The following CADM2 variants were observed in gnomAD, a reference collection of about 807,000 sequenced individuals.
The protein encoded by CADM2 is cell adhesion molecule 2, also known as immunoglobulin superfamily member 4D.
CADM2 carries 12 observed loss-of-function variants against 49.8 expected under a neutral mutation model. The ratio of observed to expected loss-of-function variants is 0.24; its 90% confidence interval spans 0.15 to 0.39. The LOEUF (loss-of-function observed/expected upper bound fraction) is 0.39. CADM2 is among the 10% of genes least tolerant of loss of function. The probability of loss-of-function intolerance (pLI) is 1.00; values close to 1 mark genes in which losing one functional copy is unlikely to be tolerated. For missense variants in CADM2, 378 were observed against 492.3 expected, an observed-to-expected ratio of 0.77 and a Z score of 2.20; for synonymous variants, 214 against 175.4, an observed-to-expected ratio of 1.22 and a Z score of -1.74.
rs375694759 is a variant in CADM2, at chr3:86,047,810, G to A, written c.971-17795G>A. Among the ~76,000 whole-genome samples, 483 of 152,198 alleles carry A rather than the reference G, an allele frequency of 3.2e-3. 3 individuals carry two copies. The highest frequency in any genetic ancestry group is 0.011 in the African/African-American group (473 of 41,514). ...TTGAAGTGAAATACTCTCACATTTC[G>A]AGTCCCAAATCTGGGGTCTTAGACA... On this transcript the variant is annotated intron_variant, in intron 8 of 9. Coordinates refer to ENST00000383699, the MANE Select transcript of CADM2 (RefSeq NM_001167675.2).
At chr3:85,363,515 A>G (rs1297590883) in intron 1 of CADM2, among the ~76,000 whole-genome samples, 5 of 152,186 alleles carry the variant, frequency 3.3e-5, no homozygotes, top group Non-Finnish European at 5.9e-5. Context: ...TAAAAAAAAA[A>G]GGTTTAGTCT....
At chr3:85,610,037 T>G (rs2063636711) in intron 1 of CADM2, among the ~76,000 whole-genome samples, 1 of 152,062 alleles carries the variant, frequency 6.6e-6, no homozygotes, top group Non-Finnish European at 1.5e-5. Context: ...AAATCTGATT[T>G]AATTATTTCA....
At chr3:85,989,130 A>AT (rs1157186628) in intron 8 of CADM2, among the ~76,000 whole-genome samples, 1 of 152,158 alleles carries the variant, frequency 6.6e-6, no homozygotes, top group Non-Finnish European at 1.5e-5. Context: ...GTTACTCTGG[A>AT]TGTCAGCAGG....
intron 8 of CADM2, among the ~76,000 whole-genome samples, chr3:85,983,943 G>A (rs1200456529): frequency 3.3e-5 from 5 of 150,562 alleles, no homozygotes; most frequent in East Asian, 3.9e-4. Context: ...TGGAAATTGC[G>A]TAATTTTTTA....
intron 1 of CADM2, among the ~76,000 whole-genome samples, chr3:85,501,977 ATTC>A (rs35449728): frequency 0.058 from 8,886 of 152,186 alleles, 588 homozygotes; most frequent in African/African-American, 0.16. Context: ...GACTAATATA[ATTC>A]TTCTTCTAAG....
chr3:85,415,121 G>A (rs977140750), intron 1 of CADM2, among the ~76,000 whole-genome samples: 8 of 152,034 alleles, frequency 5.3e-5, no homozygotes, highest in African/African-American at 1.9e-4. Context: ...CCACTATAAT[G>A]CTTGTATTTA....
chr3:86,001,735 A>G (rs17023747), intron 8 of CADM2, among the ~76,000 whole-genome samples: 4,303 of 152,296 alleles, frequency 0.028, 115 homozygotes, highest in African/African-American at 0.063. Flanking sequence ...TGATCCAGAA[A>G]GTGGCCAGAT....
intron 1 of CADM2, among the ~76,000 whole-genome samples, chr3:85,242,178 C>T (rs2042546769): frequency 6.6e-6 from 1 of 151,012 alleles, no homozygotes; most frequent in South Asian, 2.1e-4. Flanking sequence ...TCTACTTAGA[C>T]TCTATGAGTA....
intron 5 of CADM2, among the ~76,000 whole-genome samples, chr3:85,897,136 T>G: frequency 6.6e-6 from 1 of 151,828 alleles, no homozygotes; most frequent in East Asian, 1.9e-4. Flanking sequence ...TCTTTCTACC[T>G]TATGAGTTCT....
intron 1 of CADM2, among the ~76,000 whole-genome samples, chr3:85,453,930 C>A (rs867937742): frequency 2.0e-5 from 3 of 151,874 alleles, no homozygotes; most frequent in Admixed American, 2.0e-4. Flanking sequence ...AAACTAGAAA[C>A]GGCAATATTT....
intron 1 of CADM2, among the ~76,000 whole-genome samples, chr3:85,098,671 G>A (rs1025585678): frequency 6.6e-6 from 1 of 152,090 alleles, no homozygotes; most frequent in Non-Finnish European, 1.5e-5. Context: ...TGGGGTATTG[G>A]TTCCAGGATC....
chr3:84,979,763 C>A (rs952325382), intron 1 of CADM2, among the ~76,000 whole-genome samples: 1 of 151,762 alleles, frequency 6.6e-6, no homozygotes, highest in Admixed American at 6.6e-5. Flanking sequence ...AATTTCCAGG[C>A]AGGACTCCTA....
At position 85,186,067 on chromosome 3, in the gene CADM2, G is replaced by T. The variant is rs374777047; in HGVS notation, c.61+226399G>T. Reference sequence around the variant, plus strand: ...GGAACTTGATATAGCACAAGTATTTGAATACTGTTCAGGAGACTGTAGTTG... The same window carrying T: ...GGAACTTGATATAGCACAAGTATTTTAATACTGTTCAGGAGACTGTAGTTG... On this transcript the variant is annotated intron_variant, in intron 1 of 9. Coordinates refer to ENST00000383699, the MANE Select transcript of CADM2 (RefSeq NM_001167675.2). Among the ~76,000 whole-genome samples, 31 of 152,246 alleles carry T rather than the reference G, an allele frequency of 2.0e-4. No individual in the cohort carries two copies. In the East Asian group the frequency reaches 5.4e-3, roughly 27 times the overall value.
At chr3:84,979,671 GT>G (rs200806240) in intron 1 of CADM2, among the ~76,000 whole-genome samples, 5 of 150,724 alleles carry the variant, frequency 3.3e-5, no homozygotes, top group Admixed American at 1.3e-4. Flanking sequence ...ATTATAAACT[GT>G]TTTTTTTATA....
chr3:85,608,103 AAT>A (rs1232530038), intron 1 of CADM2, among the ~76,000 whole-genome samples: 2 of 152,168 alleles, frequency 1.3e-5, no homozygotes, highest in Admixed American at 6.6e-5. Flanking sequence ...CTAATTTGTC[AAT>A]ATTCTATTTT....
intron 1 of CADM2, among the ~76,000 whole-genome samples, chr3:85,197,096 A>T (rs904511573): frequency 6.6e-6 from 1 of 151,988 alleles, no homozygotes; most frequent in Non-Finnish European, 1.5e-5. Flanking sequence ...ATAACCTGGT[A>T]ACAATTATTT....
intron 1 of CADM2, among the ~76,000 whole-genome samples, chr3:85,283,671 G>A (rs189478367): frequency 6.6e-6 from 1 of 152,166 alleles, no homozygotes; most frequent in East Asian, 1.9e-4. Context: ...TTAAGTGTGA[G>A]ATGATTGAAT....
chr3:85,024,712 C>A (rs561542807), intron 1 of CADM2, among the ~76,000 whole-genome samples: 1 of 150,474 alleles, frequency 6.6e-6, no homozygotes, highest in African/African-American at 2.4e-5. Context: ...ACTGAAAATA[C>A]GTTAATTAAT....
intron 1 of CADM2, among the ~76,000 whole-genome samples, chr3:85,094,373 C>G (rs974691307): frequency 5.3e-5 from 8 of 152,074 alleles, no homozygotes; most frequent in Non-Finnish European, 1.2e-4. Context: ...TATTTCCTTT[C>G]TGCTGACCAA....
Sources: gnomAD v4.1 joint callset for allele counts (sites outside exome capture counted in the v4.1 genomes callset) on GRCh38, gnomAD v4.1.1 for gene constraint, MANE v1.5 for transcripts, NCBI Gene and HGNC (gene_info 2026-07-23, HGNC 2026-07-21) for gene names.